Variants in PIWIL3 observed in about 807,000 individuals in gnomAD.
The protein encoded by PIWIL3 is piwi-like protein 3.
In PIWIL3, 101 loss-of-function variants were observed where a neutral mutation model predicts 109.7. The observed-to-expected ratio is 0.92, with a 90% CI of 0.78 to 1.09. The LOEUF is 1.09. PIWIL3 is among the 50% of genes least tolerant of loss of function. The pLI, the probability that PIWIL3 is intolerant of heterozygous loss-of-function variation, is 0.00. For synonymous variants in PIWIL3, 373 were observed against 376.4 expected (o/e 0.99, Z 0.10); for missense variants, 1,031 against 1,072.6 (o/e 0.96, Z 0.54).
chr22:24,729,933 CTTT>C (rs77524370), intron 14 of PIWIL3, among the ~76,000 whole-genome samples: 9 of 125,888 alleles, frequency 7.1e-5, no homozygotes, highest in African/African-American at 8.7e-5. Flanking sequence ...TCTACTTTTT[CTTT>C]TTTTTTTTTT....
At chr22:24,772,392 T>C (rs765302208) in intron 1 of PIWIL3, among the ~76,000 whole-genome samples, 4 of 152,152 alleles carry the variant, frequency 2.6e-5, no homozygotes, top group Non-Finnish European at 4.4e-5. Flanking sequence ...ACAAAAACCT[T>C]TGTGGAATCA....
chr22:24,747,734 A>G (rs965670426), intron 12 of PIWIL3, among the ~76,000 whole-genome samples: 5 of 152,196 alleles, frequency 3.3e-5, no homozygotes, highest in East Asian at 3.8e-4. Flanking sequence ...CTACAATGAG[A>G]TATCATCTCA....
intron 6 of PIWIL3, among the ~76,000 whole-genome samples, 197 bp from the exon 7 acceptor site, chr22:24,755,061 T>C (rs114004077): frequency 8.1e-4 from 123 of 152,338 alleles, no homozygotes; most frequent in African/African-American, 2.6e-3. Context: ...CTTATAAACA[T>C]AATATTGTAG....
At chr22:24,719,944 T>G in intron 19 of PIWIL3, 49 bp from the exon 20 acceptor site, 22 of 1,436,992 alleles carry the variant, frequency 1.5e-5, no homozygotes, top group Non-Finnish European at 2.1e-5. Context: ...AAAGAGGGTA[T>G]ATAGTAAACT....
At chr22:24,737,160 G>C (rs1003457076) in intron 12 of PIWIL3, among the ~76,000 whole-genome samples, 2 of 152,192 alleles carry the variant, frequency 1.3e-5, no homozygotes, top group Non-Finnish European at 2.9e-5. Context: ...TGGCAGCACA[G>C]CTCAAAGCTC....
chr22:24,732,866 G>A (rs964226209), intron 14 of PIWIL3, among the ~76,000 whole-genome samples: 64 of 152,268 alleles, frequency 4.2e-4, no homozygotes, highest in African/African-American at 1.5e-3. Flanking sequence ...TACCAAATGA[G>A]CAAAGAGATT....
chr22:24,757,639 TATATAAAATATGTATATATTACACAC>T (rs1925138587), intron 4 of PIWIL3, among the ~76,000 whole-genome samples: 1 of 79,536 alleles, frequency 1.3e-5, no homozygotes, highest in African/African-American at 4.8e-5. Flanking sequence ...CACACACACA[TATATAAAATATGTATATATTACACAC>T]ACACACACAC....
chr22:24,720,535 T>G (rs1174612579), intron 19 of PIWIL3, among the ~76,000 whole-genome samples: 1 of 152,160 alleles, frequency 6.6e-6, no homozygotes, highest in African/African-American at 2.4e-5. Flanking sequence ...CCTCCCAAAG[T>G]GCTGGGATTA....
At chr22:24,757,055 GACA>G (rs1357894496) in intron 4 of PIWIL3, among the ~76,000 whole-genome samples, 1 of 116,682 alleles carries the variant, frequency 8.6e-6, no homozygotes, top group African/African-American at 3.5e-5. Context: ...CTCCAGCCTG[GACA>G]ACAAGAGCTA....
rs1922779333 is a variant in PIWIL3, at chr22:24,723,220, ATTCGTTTC to A, written c.2259_2266del (p.Lys753AsnfsTer4). 1 of 1,610,854 alleles carries A rather than the reference ATTCGTTTC, an allele frequency of 6.2e-7. No homozygotes were observed. Among genetic ancestry groups the A allele is most frequent in the Middle Eastern group, 1.6e-4 (1 of 6,062 alleles). ...ATGTTTAAGAAAAAATCTAGTGTTT[ATTCGTTTC>A]TTCACCACAATGAAAGCTAGAGTGA... On this transcript the variant is annotated frameshift_variant, in exon 19 of 21. Coordinates refer to ENST00000616349, the MANE Select transcript of PIWIL3 (RefSeq NM_001255975.1). LOFTEE classifies it high-confidence loss of function.
At chr22:24,754,955 G>A in intron 6 of PIWIL3, 91 bp from the exon 7 acceptor site, 2 of 1,012,918 alleles carry the variant, frequency 2.0e-6, no homozygotes, top group Non-Finnish European at 3.1e-6. Flanking sequence ...ATCTGTCAAT[G>A]ACTGTTTATA....
chr22:24,762,611 G>A, intron 1 of PIWIL3, 90 bp from the exon 2 acceptor site: 2 of 1,099,584 alleles, frequency 1.8e-6, no homozygotes. Context: ...TCTGAGGCTG[G>A]GTAATTTATA....
chr22:24,727,543 A>G (rs1923070957), intron 16 of PIWIL3, among the ~76,000 whole-genome samples: 1 of 152,228 alleles, frequency 6.6e-6, no homozygotes, highest in Non-Finnish European at 1.5e-5. Context: ...CTAACTACAA[A>G]GAAATGGATT....
chr22:24,748,711 GACA>G (rs1924517860), intron 12 of PIWIL3, among the ~76,000 whole-genome samples, 193 bp downstream of exon 12: 2 of 152,162 alleles, frequency 1.3e-5, no homozygotes, highest in Admixed American at 1.3e-4. Context: ...TAATTAGATA[GACA>G]TAATACAGAG....
At chr22:24,744,301 G>A (rs146925609) in intron 12 of PIWIL3, among the ~76,000 whole-genome samples, 4 of 151,734 alleles carry the variant, frequency 2.6e-5, no homozygotes, top group Admixed American at 1.3e-4. Flanking sequence ...GGCCAGGTGC[G>A]GTGGCTCATG....
chr22:24,748,309 G>A (rs1406707384), intron 12 of PIWIL3, among the ~76,000 whole-genome samples: 2 of 152,122 alleles, frequency 1.3e-5, no homozygotes, highest in African/African-American at 4.8e-5. Context: ...GAGAATGTGG[G>A]GATGATGGTT....
At chr22:24,743,318 A>G (rs184382321) in intron 12 of PIWIL3, among the ~76,000 whole-genome samples, 2 of 152,350 alleles carry the variant, frequency 1.3e-5, no homozygotes, top group Non-Finnish European at 2.9e-5. Context: ...AAGATCTACC[A>G]TTTGAACTAG....
chr22:24,755,955 A>G (rs781315024), intron 5 of PIWIL3, 50 bp from the exon 6 acceptor site: 2 of 1,583,978 alleles, frequency 1.3e-6, no homozygotes, highest in East Asian at 4.5e-5. Context: ...CTTCCAAAAA[A>G]CTAAACTTCA....
At chr22:24,748,524 A>G (rs1005732973) in intron 12 of PIWIL3, among the ~76,000 whole-genome samples, 2 of 152,246 alleles carry the variant, frequency 1.3e-5, no homozygotes, top group East Asian at 3.8e-4. Flanking sequence ...AAAATACCAC[A>G]TGTAACCCAT....
Sources: allele counts gnomAD v4.1 joint callset (sites outside exome capture counted in the v4.1 genomes callset), GRCh38; gene constraint gnomAD v4.1.1; transcripts MANE v1.5; gene names NCBI Gene and HGNC (gene_info 2026-07-23, HGNC 2026-07-21).